Variants in ZEB1 observed in about 807,000 individuals in gnomAD.
ZEB1 encodes the protein zinc finger E-box binding homeobox 1.
Under a neutral mutation model 84.9 loss-of-function variants are expected in ZEB1, and 21 were observed. The ratio of observed to expected loss-of-function variants is 0.25; its 90% CI spans 0.18 to 0.36. ZEB1 has a LOEUF of 0.36. ZEB1 is among the 10% of genes least tolerant of loss of function. ZEB1 has a pLI of 1.00. For missense variants in ZEB1, 1,104 were observed against 1,330.2 expected, an observed-to-expected ratio of 0.83 and a Z score of 2.65; for synonymous variants, 420 against 471.1, an observed-to-expected ratio of 0.89 and a Z score of 1.41.
At chr10:31,411,148 G>A (rs1017296329) in intron 1 of ZEB1, among the ~76,000 whole-genome samples, 10 of 152,170 alleles carry the variant, frequency 6.6e-5, no homozygotes, top group Admixed American at 2.6e-4. Flanking sequence ...GCAAAAGAAC[G>A]GAAATCATAA....
At position 31,521,626 on chromosome 10, in the gene ZEB1, A is replaced by G. The variant is rs376963555; in HGVS notation, c.2294A>G (p.Gln765Arg). Residue 765 changes from glutamine to arginine, a missense_variant, in exon 7 of 9, where the codon CAG becomes CGG. Transcript: ENST00000424869. The part of the protein sequence containing the change: ...SVYQNSVYSV[Q>R]EEPLNLSCAK... The stretch of plus-strand genomic sequence containing the variant: ...TACCAGAACAGTGTTTATTCTGTCC[A>G]GGAAGAACCCTTGAACTTGTCTTGC... The G allele has an allele frequency of 2.5e-6, 4 of 1,614,154 alleles. No individual in the cohort carries two copies. Among genetic ancestry groups the G allele is most frequent in the Non-Finnish European group, 1.7e-6 (2 of 1,180,014 alleles).
chr10:31,442,851 A>G (rs1302945863), intron 1 of ZEB1, among the ~76,000 whole-genome samples: 2 of 152,244 alleles, frequency 1.3e-5, no homozygotes, highest in Non-Finnish European at 2.9e-5. Flanking sequence ...TGCATTTAGC[A>G]GTGCTCACAG....
intron 1 of ZEB1, among the ~76,000 whole-genome samples, chr10:31,426,964 A>G (rs1244422229): frequency 7.6e-6 from 1 of 131,056 alleles, no homozygotes; most frequent in African/African-American, 4.6e-5. Context: ...GCTTTGTAGG[A>G]AAAAATTTCT....
chr10:31,420,446 G>A (rs145934854), intron 1 of ZEB1, among the ~76,000 whole-genome samples: 1 of 152,150 alleles, frequency 6.6e-6, no homozygotes, highest in East Asian at 1.9e-4. Flanking sequence ...TCTCTCCACA[G>A]GCAGTTCACA....
chr10:31,321,363 C>G (rs1213074587), intron 1 of ZEB1: 1 of 1,526,126 alleles, frequency 6.6e-7, no homozygotes, highest in Non-Finnish European at 8.8e-7. Context: ...TTAAAGACGT[C>G]TGTTGATTAT....
chr10:31,425,402 G>C (rs996360408), intron 1 of ZEB1, among the ~76,000 whole-genome samples: 1 of 151,940 alleles, frequency 6.6e-6, no homozygotes, highest in Admixed American at 6.6e-5. Context: ...TCGCAATTCA[G>C]TTTTCCCTAA....
chr10:31,341,264 C>T (rs997289060), intron 1 of ZEB1, among the ~76,000 whole-genome samples: 19 of 150,930 alleles, frequency 1.3e-4, no homozygotes, highest in Non-Finnish European at 2.2e-4. Flanking sequence ...TAAACTGACA[C>T]TTAATAGAAA....
intron 1 of ZEB1, among the ~76,000 whole-genome samples, chr10:31,365,061 A>T (rs1172698596): frequency 6.6e-6 from 1 of 152,348 alleles, no homozygotes; most frequent in Non-Finnish European, 1.5e-5. Context: ...GATGGGAAGG[A>T]TCCAAGTATG....
intron 1 of ZEB1, among the ~76,000 whole-genome samples, chr10:31,428,906 G>A (rs527713309): frequency 2.6e-5 from 4 of 151,914 alleles, no homozygotes; most frequent in South Asian, 2.1e-4. Flanking sequence ...TTTGTTTTCC[G>A]TTAGCTTGGT....
chr10:31,432,625 TGATTAGTG>T (rs2057855552), intron 1 of ZEB1, among the ~76,000 whole-genome samples: 1 of 152,144 alleles, frequency 6.6e-6, no homozygotes, highest in African/African-American at 2.4e-5. Context: ...TAGATACATT[TGATTAGTG>T]GCTAACCTTA....
At chr10:31,403,753 T>G (rs923436137) in intron 1 of ZEB1, among the ~76,000 whole-genome samples, 2 of 152,064 alleles carry the variant, frequency 1.3e-5, no homozygotes, top group African/African-American at 4.8e-5. Context: ...TATTCAGCTT[T>G]CCTTTTGTAA....
At chr10:31,407,167 C>A (rs1281934924) in intron 1 of ZEB1, among the ~76,000 whole-genome samples, 4 of 151,486 alleles carry the variant, frequency 2.6e-5, no homozygotes, top group African/African-American at 9.7e-5. Flanking sequence ...CATATGTATA[C>A]ATGTGCCATG....
At chr10:31,354,112 G>A (rs2041736740) in intron 1 of ZEB1, among the ~76,000 whole-genome samples, 1 of 152,150 alleles carries the variant, frequency 6.6e-6, no homozygotes, top group South Asian at 2.1e-4. Flanking sequence ...TGGGAACAGA[G>A]CAAAAGAAGT....
chr10:31,422,553 A>G (rs1177282804), intron 1 of ZEB1, among the ~76,000 whole-genome samples: 1 of 152,178 alleles, frequency 6.6e-6, no homozygotes, highest in African/African-American at 2.4e-5. Context: ...CTGTTGAGTT[A>G]AACAGCATTA....
At chr10:31,430,664 T>G (rs1386615927) in intron 1 of ZEB1, among the ~76,000 whole-genome samples, 1 of 152,206 alleles carries the variant, frequency 6.6e-6, no homozygotes, top group African/African-American at 2.4e-5. Context: ...AAGCTTAGCT[T>G]AAGATTAATG....
chr10:31,427,594 C>T (rs2057123492), intron 1 of ZEB1, among the ~76,000 whole-genome samples: 1 of 152,168 alleles, frequency 6.6e-6, no homozygotes, highest in Non-Finnish European at 1.5e-5. Context: ...GGCTCAACGC[C>T]TGTAATCCCA....
At chr10:31,503,446 G>A (rs1225940586) in intron 4 of ZEB1, among the ~76,000 whole-genome samples, 1 of 151,854 alleles carries the variant, frequency 6.6e-6, no homozygotes, top group Admixed American at 6.6e-5. Context: ...ATTCATTCGT[G>A]TGTATATGCC....
intron 4 of ZEB1, among the ~76,000 whole-genome samples, chr10:31,503,606 A>G (rs2068469976): frequency 1.3e-5 from 2 of 152,068 alleles, no homozygotes; most frequent in Non-Finnish European, 2.9e-5. Flanking sequence ...GCTGGATCAT[A>G]TAATAGTTCT....
chr10:31,404,026 C>A (rs2052530778), intron 1 of ZEB1, among the ~76,000 whole-genome samples: 1 of 151,928 alleles, frequency 6.6e-6, no homozygotes, highest in South Asian at 2.1e-4. Flanking sequence ...ACAGACTAGT[C>A]TATATTTACT....
Sources: allele counts gnomAD v4.1 joint callset (sites outside exome capture counted in the v4.1 genomes callset), GRCh38; gene constraint gnomAD v4.1.1; transcripts MANE v1.5; gene names NCBI Gene and HGNC (gene_info 2026-07-23, HGNC 2026-07-21).